Variants in PTPRN2 observed in about 807,000 individuals in gnomAD.
PTPRN2 encodes protein tyrosine phosphatase receptor type N2.
PTPRN2 carries 74 observed loss-of-function variants against 118.8 expected under a neutral mutation model. The observed-to-expected ratio is 0.62, with a 90% CI of 0.52 to 0.76. The LOEUF is 0.76. Among genes scored for constraint, PTPRN2 ranks in the 30% least tolerant of loss-of-function variants. The pLI, the probability that PTPRN2 is intolerant of heterozygous loss-of-function variation, is 0.00. For synonymous variants in PTPRN2, 641 were observed against 608.0 expected, an observed-to-expected ratio of 1.05 and a Z score of -0.80; for missense variants, 1,481 against 1,394.4, an observed-to-expected ratio of 1.06 and a Z score of -0.99.
At chr7:157,886,608 G>A (rs1158038528) in intron 12 of PTPRN2, among the ~76,000 whole-genome samples, 2 of 152,232 alleles carry the variant, frequency 1.3e-5, no homozygotes, top group Non-Finnish European at 2.9e-5. Context: ...AGGAAAAGAT[G>A]TTGTTTCATG....
At position 157,585,113 on chromosome 7, in the gene PTPRN2, A is replaced by G. The variant is rs112392788; in HGVS notation, c.2497-6973T>C. Among the ~76,000 whole-genome samples the G allele has an allele frequency of 6.6e-6, 1 of 152,168 alleles. No homozygotes were observed. Among genetic ancestry groups the G allele is most frequent in the African/African-American group, 2.4e-5 (1 of 41,436 alleles). Reference sequence around the variant, plus strand: ...ATGACACGATGAGGTGACGTAGCCCACACACACGTCAGCAGTGCTGATGGA... The same window carrying G: ...ATGACACGATGAGGTGACGTAGCCCGCACACACGTCAGCAGTGCTGATGGA... On this transcript the variant is annotated intron_variant, in intron 17 of 22. Coordinates refer to ENST00000389418, the MANE Select transcript of PTPRN2 (RefSeq NM_002847.5). The surrounding 1 kb of genome is among the most constrained non-coding windows in gnomAD (Gnocchi z 5.2).
intron 6 of PTPRN2, among the ~76,000 whole-genome samples, chr7:158,155,121 A>C (rs1821583987): frequency 6.6e-6 from 1 of 152,362 alleles, no homozygotes; most frequent in South Asian, 2.1e-4. Context: ...GGCTCTCATA[A>C]GGCAATTACA....
chr7:158,223,777 A>G (rs1437466540), intron 3 of PTPRN2, among the ~76,000 whole-genome samples: 2 of 152,168 alleles, frequency 1.3e-5, no homozygotes, highest in Non-Finnish European at 2.9e-5. Context: ...TGCTCTCACC[A>G]ATCTTATTCA....
intron 6 of PTPRN2, among the ~76,000 whole-genome samples, chr7:158,156,499 G>A (rs542032950): frequency 3.3e-5 from 5 of 152,278 alleles, no homozygotes; most frequent in East Asian, 1.9e-4. Flanking sequence ...GCCCACATTC[G>A]CTAAATGAGC....
intron 5 of PTPRN2, among the ~76,000 whole-genome samples, chr7:158,171,304 CACACATATATATATATAT>C (rs1563555654): frequency 0.011 from 313 of 28,088 alleles, 24 homozygotes; most frequent in African/African-American, 0.04. Flanking sequence ...CATATATATA[CACACATATATATATATAT>C]ATATATATAT....
At chr7:157,945,679 C>A (rs370977322) in intron 11 of PTPRN2, among the ~76,000 whole-genome samples, 1 of 151,190 alleles carries the variant, frequency 6.6e-6, no homozygotes, top group Non-Finnish European at 1.5e-5. Context: ...TGGACGATGC[C>A]GCCTCCAGCT....
intron 2 of PTPRN2, among the ~76,000 whole-genome samples, chr7:158,443,443 G>C (rs766897057): frequency 6.6e-6 from 1 of 152,246 alleles, no homozygotes. Flanking sequence ...CCCCACTGAC[G>C]GGTCTGTAAG....
intron 2 of PTPRN2, among the ~76,000 whole-genome samples, chr7:158,392,750 G>A (rs1438422247): frequency 1.3e-5 from 2 of 152,152 alleles, no homozygotes; most frequent in African/African-American, 2.4e-5. Context: ...CCGGAGCCTC[G>A]CCAGGACCCC....
chr7:157,773,415 C>T (rs113188414), intron 12 of PTPRN2, among the ~76,000 whole-genome samples: 93 of 152,344 alleles, frequency 6.1e-4, no homozygotes, highest in East Asian at 1.9e-4. Context: ...CTTACCCTGA[C>T]GAGCTCTGCA....
At chr7:157,757,888 G>A (rs1410813505) in intron 12 of PTPRN2, among the ~76,000 whole-genome samples, 1 of 152,196 alleles carries the variant, frequency 6.6e-6, no homozygotes. Flanking sequence ...CCTGACGCCC[G>A]AGACACCGCG....
intron 2 of PTPRN2, among the ~76,000 whole-genome samples, chr7:158,457,638 G>A (rs1320983711): frequency 1.0e-5 from 1 of 95,620 alleles, no homozygotes; most frequent in Non-Finnish European, 2.2e-5. Context: ...GTCAGCACAC[G>A]GTGAGGGGCG....
intron 12 of PTPRN2, among the ~76,000 whole-genome samples, chr7:157,710,535 T>G (rs1400355601): frequency 7.6e-6 from 1 of 130,872 alleles, no homozygotes; most frequent in Non-Finnish European, 1.6e-5. Flanking sequence ...GTGACATGGC[T>G]GCGGGGTCCC....
chr7:158,267,166 A>G (rs1238165736), intron 3 of PTPRN2, among the ~76,000 whole-genome samples: 1 of 152,226 alleles, frequency 6.6e-6, no homozygotes, highest in African/African-American at 2.4e-5. Flanking sequence ...TGGAATTTTA[A>G]AAGCTGCTTA....
chr7:158,456,474 G>A (rs1258203003), intron 2 of PTPRN2, among the ~76,000 whole-genome samples: 1 of 149,680 alleles, frequency 6.7e-6, no homozygotes, highest in East Asian at 2.0e-4. Context: ...ATCGGCAATG[G>A]CCCCCCATTG....
Position 157,778,853 on chromosome 7 carries a change from C to T in PTPRN2, c.1789-95916G>A, listed in dbSNP as rs563729166. Among the ~76,000 whole-genome samples the T allele has an allele frequency of 1.7e-3, 259 of 152,296 alleles. 3 individuals carry two copies. In the Middle Eastern group the frequency reaches 0.027, roughly 16 times the overall value. On this transcript the variant is annotated intron_variant, in intron 12 of 22. Coordinates refer to ENST00000389418, the MANE Select transcript of PTPRN2 (RefSeq NM_002847.5). The stretch of plus-strand genomic sequence containing the variant: ...ATAAACATGTCCACGTGAATACAGG[C>T]GCTGAATGCCCACATATGCAACAAG...
At chr7:157,803,004 A>G (rs1805412207) in intron 12 of PTPRN2, among the ~76,000 whole-genome samples, 1 of 152,140 alleles carries the variant, frequency 6.6e-6, no homozygotes, top group African/African-American at 2.4e-5. Flanking sequence ...TTGCTCTGTC[A>G]TCCAGGCTGG....
chr7:158,236,583 T>C (rs899184559), intron 3 of PTPRN2, among the ~76,000 whole-genome samples: 1 of 152,090 alleles, frequency 6.6e-6, no homozygotes. Flanking sequence ...ATGCCTCAAG[T>C]ATGTCTTCAT....
intron 2 of PTPRN2, among the ~76,000 whole-genome samples, chr7:158,422,555 C>T (rs1194584969): frequency 1.3e-5 from 2 of 152,250 alleles, no homozygotes; most frequent in Non-Finnish European, 2.9e-5. Flanking sequence ...ACCCTGTAGT[C>T]CACATGAAAG....
chr7:157,720,904 TAA>T (rs966953842), intron 12 of PTPRN2, among the ~76,000 whole-genome samples: 14 of 152,110 alleles, frequency 9.2e-5, no homozygotes, highest in Admixed American at 7.2e-4. Context: ...GAGTGTTTCT[TAA>T]GTGTGACAAG....
Sources: allele counts gnomAD v4.1 joint callset (sites outside exome capture counted in the v4.1 genomes callset), GRCh38; gene constraint gnomAD v4.1.1; non-coding constraint Gnocchi (gnomAD v3.1); transcripts MANE v1.5; gene names NCBI Gene and HGNC (gene_info 2026-07-23, HGNC 2026-07-21).